The following IQGAP2 variants were observed in gnomAD, a reference collection of about 807,000 sequenced individuals.
IQGAP2 encodes the protein IQ motif containing GTPase activating protein 2.
A neutral mutation model predicts 201.3 loss-of-function variants in IQGAP2; 173 were observed. The ratio of observed to expected loss-of-function variants is 0.86; its 90% CI spans 0.76 to 0.98. IQGAP2 has a LOEUF of 0.98. Ranked by LOEUF, IQGAP2 falls within the 50% of genes least tolerant of loss-of-function variation. IQGAP2 has a pLI of 0.00. For missense variants in IQGAP2, 1,687 were observed against 1,864.8 expected (o/e 0.90, Z 1.76); for synonymous variants, 675 against 673.9 (o/e 1.00, Z -0.03).
intron 2 of IQGAP2, among the ~76,000 whole-genome samples, chr5:76,476,235 G>A (rs74817642): frequency 2.0e-5 from 3 of 152,144 alleles, no homozygotes; most frequent in Non-Finnish European, 4.4e-5. Context: ...GGCAGGCCTG[G>A]GAGGAAGGCA....
chr5:76,482,193 A>C (rs1048673474), intron 2 of IQGAP2, among the ~76,000 whole-genome samples: 1 of 152,212 alleles, frequency 6.6e-6, no homozygotes, highest in African/African-American at 2.4e-5. Context: ...GGGTGAGTGG[A>C]TGATAGCGTG....
chr5:76,418,593 CG>C (rs149392985), intron 1 of IQGAP2, among the ~76,000 whole-genome samples: 39,195 of 146,028 alleles, frequency 0.27, 7,026 homozygotes, highest in African/African-American at 0.49. Context: ...GACTCCATCT[CG>C]AAAAAAAAAA....
At chr5:76,667,257 A>G (rs1224933921) in intron 22 of IQGAP2, among the ~76,000 whole-genome samples, 1 of 152,206 alleles carries the variant, frequency 6.6e-6, no homozygotes, top group Non-Finnish European at 1.5e-5. Flanking sequence ...CTATCAAGAA[A>G]AAGTACTGAG....
At chr5:76,691,245 G>C (rs1746237528) in intron 30 of IQGAP2, among the ~76,000 whole-genome samples, 1 of 152,088 alleles carries the variant, frequency 6.6e-6, no homozygotes, top group African/African-American at 2.4e-5. Flanking sequence ...AGGGAAACAG[G>C]CTGTGTGAGC....
At chr5:76,632,067 A>G (rs775616576) in intron 15 of IQGAP2, 41 bp downstream of exon 15, 1 of 1,464,714 alleles carries the variant, frequency 6.8e-7, no homozygotes, top group Non-Finnish European at 9.3e-7. Flanking sequence ...AAGTATTTTA[A>G]ATATCATTTC....
chr5:76,414,463 C>G (rs534969383), intron 1 of IQGAP2, among the ~76,000 whole-genome samples: 6 of 152,276 alleles, frequency 3.9e-5, no homozygotes, highest in Admixed American at 3.3e-4. Context: ...TGCTTTTGCT[C>G]TCATTCTGTT....
At chr5:76,483,091 G>A (rs1755887780) in intron 2 of IQGAP2, among the ~76,000 whole-genome samples, 1 of 152,208 alleles carries the variant, frequency 6.6e-6, no homozygotes, top group African/African-American at 2.4e-5. Context: ...TCAGTAGTAG[G>A]AACAGCTGTG....
intron 1 of IQGAP2, among the ~76,000 whole-genome samples, chr5:76,431,175 G>A (rs1460753295): frequency 5.9e-5 from 9 of 151,918 alleles, no homozygotes; most frequent in African/African-American, 1.9e-4. Context: ...GTGGGTAATA[G>A]GAAGGAGAAC....
Position 76,615,320 on chromosome 5 carries a change from TC to T in IQGAP2, c.1521+4138del, listed in dbSNP as rs1748841593. 8.5e-5 allele frequency among the ~76,000 whole-genome samples: 13 copies of T among 152,330 alleles called. No homozygotes were observed. The South Asian group carries it at 2.7e-3, about 32-fold the overall frequency. ...GAAGTCAGCTCCTTCCATTTAAGTT[TC>T]TATCTTCTTGAAACTTACTTTAGGT... is the stretch of plus-strand genomic sequence containing the variant. On this transcript the variant is annotated intron_variant, in intron 13 of 35. Coordinates refer to ENST00000274364, the MANE Select transcript of IQGAP2 (RefSeq NM_006633.5).
At chr5:76,655,125 G>T in intron 20 of IQGAP2, 122 bp downstream of exon 20, 1 of 663,312 alleles carries the variant, frequency 1.5e-6, no homozygotes, top group East Asian at 2.7e-5. Flanking sequence ...GTTTCCAGTA[G>T]ATTTTGATCA....
At chr5:76,568,254 AC>A (rs1467093119) in intron 3 of IQGAP2, among the ~76,000 whole-genome samples, 1 of 152,172 alleles carries the variant, frequency 6.6e-6, no homozygotes, top group Non-Finnish European at 1.5e-5. Flanking sequence ...GACCAAGATA[AC>A]CACCCTTTTC....
At chr5:76,585,727 T>C (rs1166206661) in intron 5 of IQGAP2, among the ~76,000 whole-genome samples, 1 of 152,112 alleles carries the variant, frequency 6.6e-6, no homozygotes, top group Admixed American at 6.5e-5. Flanking sequence ...TTGGTCAGGC[T>C]GGTCTTGAGC....
intron 1 of IQGAP2, among the ~76,000 whole-genome samples, chr5:76,413,449 G>A (rs1475192421): frequency 3.3e-5 from 5 of 152,124 alleles, no homozygotes; most frequent in East Asian, 1.9e-4. Flanking sequence ...GATAACAGGC[G>A]TGGGCCACCA....
intron 15 of IQGAP2, among the ~76,000 whole-genome samples, chr5:76,633,630 C>T (rs1334482716): frequency 6.6e-6 from 1 of 152,120 alleles, no homozygotes; most frequent in East Asian, 1.9e-4. Flanking sequence ...TCCAACACCT[C>T]TAGTTAATTC....
intron 21 of IQGAP2, among the ~76,000 whole-genome samples, chr5:76,660,677 T>C (rs1460030383): frequency 6.6e-6 from 1 of 152,222 alleles, no homozygotes; most frequent in African/African-American, 2.4e-5. Context: ...ATAGATAACA[T>C]TGTGAAGTTT....
chr5:76,600,784 G>C (rs2150322806), intron 10 of IQGAP2, 28 bp from the exon 11 acceptor site: 1 of 1,612,620 alleles, frequency 6.2e-7, no homozygotes, highest in Non-Finnish European at 8.5e-7. Flanking sequence ...TGTGTGGGGA[G>C]CTTATGTTGC....
chr5:76,569,588 T>G (rs1744975593), intron 3 of IQGAP2, among the ~76,000 whole-genome samples: 1 of 152,268 alleles, frequency 6.6e-6, no homozygotes, highest in Non-Finnish European at 1.5e-5. Context: ...TTATACTTTA[T>G]ATTTCTAACA....
At chr5:76,425,654 C>T (rs1751954465) in intron 1 of IQGAP2, among the ~76,000 whole-genome samples, 1 of 152,090 alleles carries the variant, frequency 6.6e-6, no homozygotes, top group African/African-American at 2.4e-5. Context: ...AAAAAACCCA[C>T]ATTAGTTCTC....
chr5:76,505,959 T>C lies in IQGAP2; in HGVS notation c.146+44290T>C, dbSNP rs115932296. Among the ~76,000 whole-genome samples the C allele has an allele frequency of 4.5e-3, 681 of 152,284 alleles. 6 individuals are homozygous for C. The highest frequency in any genetic ancestry group is 0.016 in the African/African-American group (655 of 41,564). ...ATTACGTAATGAGGTCTTGAACTTA[T>C]GATTTAAGTTCAACATTAATTAGAC... On this transcript the variant is annotated intron_variant, in intron 2 of 35. Transcript: ENST00000274364.
Sources: allele counts gnomAD v4.1 joint callset (sites outside exome capture counted in the v4.1 genomes callset), GRCh38; gene constraint gnomAD v4.1.1; transcripts MANE v1.5; gene names NCBI Gene and HGNC (gene_info 2026-07-23, HGNC 2026-07-21).